DCC: variants seen among roughly 807,000 people sequenced by gnomAD.
DCC encodes the protein netrin receptor DCC.
DCC carries 58 observed loss-of-function variants against 172.5 expected under a neutral mutation model. The ratio of observed to expected loss-of-function variants is 0.34; its 90% confidence interval spans 0.27 to 0.42. The LOEUF is 0.42. Ranked by LOEUF, DCC falls within the 10% of genes least tolerant of loss-of-function variation. The pLI is 1.00. For missense variants in DCC, 1,740 were observed against 1,791.0 expected (o/e 0.97, Z 0.51); for synonymous variants, 709 against 644.5 (o/e 1.10, Z -1.52).
chr18:52,616,484 G>A (rs2034384288), intron 1 of DCC, among the ~76,000 whole-genome samples: 1 of 152,116 alleles, frequency 6.6e-6, no homozygotes, highest in African/African-American at 2.4e-5. Context: ...GGCAATGTTT[G>A]AAGAAAAATA....
chr18:52,906,265 T>C lies in DCC; in HGVS notation c.634T>C (p.Cys212Arg). Residue 212 changes from cysteine to arginine, a missense_variant, in exon 3 of 29, where the codon TGC becomes CGC. Coordinates refer to ENST00000442544, the MANE Select transcript of DCC (RefSeq NM_005215.4). ...LQPGDIGIYR[C>R]SARNPASSRT... ...ACCGGGGGACATTGGAATTTACCGA[T>C]GCTCAGCTCGAAATCCAGCCAGCTC... The C allele has an allele frequency of 6.2e-7, 1 of 1,614,054 alleles. No homozygotes were observed. The highest frequency in any genetic ancestry group is 8.5e-7 in the Non-Finnish European group (1 of 1,180,030).
chr18:52,901,009 C>T (rs987535601), intron 2 of DCC, among the ~76,000 whole-genome samples: 14 of 152,190 alleles, frequency 9.2e-5, no homozygotes, highest in African/African-American at 3.4e-4. Flanking sequence ...GAGTACAGTA[C>T]TGCTACTTGA....
At chr18:52,531,331 T>C (rs1472870555) in intron 1 of DCC, among the ~76,000 whole-genome samples, 2 of 152,190 alleles carry the variant, frequency 1.3e-5, no homozygotes, top group Admixed American at 6.5e-5. Context: ...AAAAGAATCC[T>C]CTAGAAATCC....
chr18:52,750,564 G>A (rs80203133), intron 1 of DCC, among the ~76,000 whole-genome samples: 3,328 of 152,222 alleles, frequency 0.022, 79 homozygotes, highest in East Asian at 0.074. Flanking sequence ...ATATGACAGT[G>A]AGCGACACAA....
intron 27 of DCC, among the ~76,000 whole-genome samples, chr18:53,523,916 G>C (rs954609647): frequency 4.6e-5 from 7 of 151,468 alleles, no homozygotes; most frequent in African/African-American, 1.5e-4. Context: ...AAAAGAAGGG[G>C]GAGGCAGGAG....
intron 12 of DCC, among the ~76,000 whole-genome samples, chr18:53,238,185 C>T (rs549358991): frequency 6.6e-6 from 1 of 152,228 alleles, no homozygotes; most frequent in African/African-American, 2.4e-5. Flanking sequence ...AAATGCATTA[C>T]ATTTTGGAGA....
At chr18:52,372,445 G>A (rs1013674430) in intron 1 of DCC, among the ~76,000 whole-genome samples, 2 of 152,178 alleles carry the variant, frequency 1.3e-5, no homozygotes, top group African/African-American at 4.8e-5. Flanking sequence ...CTGGGAGTAG[G>A]GCTGGTTGGG....
At chr18:53,027,806 A>G (rs375710856) in intron 5 of DCC, among the ~76,000 whole-genome samples, 1 of 151,254 alleles carries the variant, frequency 6.6e-6, no homozygotes, top group Non-Finnish European at 1.5e-5. Flanking sequence ...TATAGTTTTG[A>G]CGCACGTCAA....
chr18:52,759,058 GA>G (rs970482809), intron 2 of DCC: 13 of 151,952 alleles, frequency 8.6e-5, no homozygotes, highest in Non-Finnish European at 1.9e-4. Flanking sequence ...ATGAGAGAAA[GA>G]AAAAATAAGA....
At chr18:53,251,366 C>T (rs149253953) in intron 12 of DCC, among the ~76,000 whole-genome samples, 308 of 151,966 alleles carry the variant, frequency 2.0e-3, no homozygotes, top group African/African-American at 7.0e-3. Context: ...CATTGGACTC[C>T]GCTCACTTTT....
At chr18:53,409,568 T>G (rs777899087) in intron 19 of DCC, among the ~76,000 whole-genome samples, 1 of 152,188 alleles carries the variant, frequency 6.6e-6, no homozygotes, top group Non-Finnish European at 1.5e-5. Flanking sequence ...TGTTGATTAA[T>G]GTTTTTAAAT....
intron 9 of DCC, among the ~76,000 whole-genome samples, chr18:53,186,154 C>T (rs1372747465): frequency 6.6e-6 from 1 of 152,124 alleles, no homozygotes; most frequent in Non-Finnish European, 1.5e-5. Context: ...TATAACCAAA[C>T]ATCTAGAAAA....
chr18:53,261,433 G>T (rs534802761), intron 12 of DCC, among the ~76,000 whole-genome samples: 2 of 152,144 alleles, frequency 1.3e-5, no homozygotes, highest in African/African-American at 4.8e-5. Context: ...TATTTGGCCA[G>T]GGCTCAGTTT....
At chr18:52,364,930 A>T (rs1984779536) in intron 1 of DCC, among the ~76,000 whole-genome samples, 1 of 152,162 alleles carries the variant, frequency 6.6e-6, no homozygotes, top group Non-Finnish European at 1.5e-5. Context: ...AGAGACTTAC[A>T]TTGGGGGACT....
chr18:53,396,170 G>C (rs1446564607), intron 17 of DCC, among the ~76,000 whole-genome samples: 1 of 151,586 alleles, frequency 6.6e-6, no homozygotes, highest in Non-Finnish European at 1.5e-5. Context: ...ATATGAGTGG[G>C]GGAAAAGAGC....
intron 2 of DCC, among the ~76,000 whole-genome samples, chr18:52,817,885 G>C (rs1336066173): frequency 6.6e-6 from 1 of 152,120 alleles, no homozygotes; most frequent in African/African-American, 2.4e-5. Flanking sequence ...AGACCAAAAA[G>C]AGAATGAGGG....
Position 52,641,554 on chromosome 18 carries a change from G to T in DCC, c.92-110500G>T, listed in dbSNP as rs182999982. On this transcript the variant is annotated intron_variant, in intron 1 of 28. Transcript: ENST00000442544. ...CAATCTCATCAAAAAGTGGGTTAAA[G>T]ACATGAATAGATAATTCTCAAAAGA... 3.2e-4 allele frequency among the ~76,000 whole-genome samples: 48 copies of T among 151,854 alleles called. No individual in the cohort carries two copies. In the East Asian group the frequency reaches 9.4e-3, roughly 30 times the overall value.
At chr18:52,867,421 T>C (rs534059298) in intron 2 of DCC, among the ~76,000 whole-genome samples, 3 of 152,324 alleles carry the variant, frequency 2.0e-5, no homozygotes, top group Admixed American at 2.0e-4. Context: ...ATTCCCTCTT[T>C]TTCAATTGTT....
chr18:53,138,842 C>T (rs918421090), intron 7 of DCC, among the ~76,000 whole-genome samples: 4 of 152,094 alleles, frequency 2.6e-5, no homozygotes, highest in Non-Finnish European at 5.9e-5. Flanking sequence ...AAAAATATTA[C>T]TTTTTTAATT....
Sources: allele counts gnomAD v4.1 joint callset (sites outside exome capture counted in the v4.1 genomes callset), GRCh38; gene constraint gnomAD v4.1.1; transcripts MANE v1.5; gene names NCBI Gene and HGNC (gene_info 2026-07-23, HGNC 2026-07-21).